EBF1: variants seen among roughly 807,000 people sequenced by gnomAD.
EBF1 encodes EBF transcription factor 1.
EBF1 carries 10 observed loss-of-function variants against 68.4 expected under a neutral mutation model. That is an observed-to-expected ratio of 0.15 (90% CI 0.09 to 0.25). EBF1 has a LOEUF of 0.25. Ranked by LOEUF, EBF1 falls within the 10% of genes least tolerant of loss-of-function variation. The pLI is 1.00. For synonymous variants in EBF1, 298 were observed against 299.8 expected (o/e 0.99, Z 0.06); for missense variants, 509 against 794.4 (o/e 0.64, Z 4.32).
At chr5:158,801,667 TAAAAA>T (rs11290189) in intron 8 of EBF1, among the ~76,000 whole-genome samples, 1 of 128,252 alleles carries the variant, frequency 7.8e-6, no homozygotes, top group Admixed American at 7.8e-5. Flanking sequence ...AGGGAAGAAT[TAAAAA>T]AAAAAAAAAA....
intron 6 of EBF1, among the ~76,000 whole-genome samples, chr5:158,986,178 CCTT>C (rs968545481): frequency 6.6e-6 from 1 of 152,200 alleles, no homozygotes; most frequent in African/African-American, 2.4e-5. Context: ...TGATTTCTGT[CCTT>C]CTCTCTCTGG....
At chr5:158,760,079 AG>A (rs1388566583) in intron 10 of EBF1, among the ~76,000 whole-genome samples, 6 of 152,208 alleles carry the variant, frequency 3.9e-5, no homozygotes, top group African/African-American at 1.4e-4. Context: ...ATTGCCAAGT[AG>A]ATTTGTCCTT....
At chr5:158,866,697 CT>C (rs1795924179) in intron 6 of EBF1, among the ~76,000 whole-genome samples, 1 of 151,588 alleles carries the variant, frequency 6.6e-6, no homozygotes, top group Non-Finnish European at 1.5e-5. Flanking sequence ...ATGAGTGCAG[CT>C]TTGTCGCCGT....
chr5:158,850,535 C>T (rs1476032581), intron 6 of EBF1, among the ~76,000 whole-genome samples: 1 of 152,210 alleles, frequency 6.6e-6, no homozygotes, highest in East Asian at 1.9e-4. Flanking sequence ...GATGAGTCCA[C>T]TTGGACCAGA....
At position 158,860,237 on chromosome 5, in the gene EBF1, A is replaced by G. The variant is rs1227052893; in HGVS notation, c.555-20127T>C. Among the ~76,000 whole-genome samples the G allele has an allele frequency of 3.3e-5, 5 of 152,166 alleles. No individual in the cohort carries two copies. In the East Asian group the frequency reaches 9.6e-4, roughly 29 times the overall value. On this transcript the variant is annotated intron_variant, in intron 6 of 15. Coordinates refer to ENST00000313708, the MANE Select transcript of EBF1 (RefSeq NM_024007.5). The stretch of plus-strand genomic sequence containing the variant: ...ATCATCTTATTGAATGCTCACAACA[A>G]CCCTAAGATAGTAACTACTAAGGTA...
chr5:158,733,904 T>C (rs1223297357), intron 10 of EBF1, among the ~76,000 whole-genome samples: 1 of 152,076 alleles, frequency 6.6e-6, no homozygotes. Context: ...AGTAAACCAA[T>C]TACTGACTGT....
At chr5:158,947,115 T>A (rs894890855) in intron 6 of EBF1, among the ~76,000 whole-genome samples, 7 of 152,208 alleles carry the variant, frequency 4.6e-5, no homozygotes, top group African/African-American at 1.7e-4. Flanking sequence ...GATCTTAGCT[T>A]GCTGGGCTCC....
At chr5:158,982,645 C>T (rs1758117196) in intron 6 of EBF1, among the ~76,000 whole-genome samples, 1 of 152,006 alleles carries the variant, frequency 6.6e-6, no homozygotes, top group Non-Finnish European at 1.5e-5. Context: ...TTTTGCTTTA[C>T]ACGGTACTTA....
intron 6 of EBF1, among the ~76,000 whole-genome samples, chr5:159,027,543 A>G (rs1401108168): frequency 6.6e-6 from 1 of 152,212 alleles, no homozygotes; most frequent in African/African-American, 2.4e-5. Flanking sequence ...AGAATCTAAG[A>G]GGAGCTTGCT....
At chr5:159,078,737 G>C (rs1052913785) in intron 5 of EBF1, among the ~76,000 whole-genome samples, 1 of 152,164 alleles carries the variant, frequency 6.6e-6, no homozygotes, top group Non-Finnish European at 1.5e-5. Flanking sequence ...CACCTGGTGT[G>C]GTACCTACAC....
intron 6 of EBF1, among the ~76,000 whole-genome samples, chr5:158,924,714 G>T (rs892012506): frequency 6.6e-6 from 1 of 151,382 alleles, no homozygotes; most frequent in African/African-American, 2.4e-5. Context: ...TTAGCCGGGC[G>T]TGGTGGCGGG....
At chr5:158,883,108 T>C (rs1430857921) in intron 6 of EBF1, among the ~76,000 whole-genome samples, 1 of 151,652 alleles carries the variant, frequency 6.6e-6, no homozygotes. Flanking sequence ...ATGTATGTAA[T>C]GTTAAAAAAA....
intron 6 of EBF1, among the ~76,000 whole-genome samples, chr5:158,982,226 G>A (rs1302007668): frequency 2.0e-5 from 3 of 152,224 alleles, no homozygotes; most frequent in East Asian, 1.9e-4. Flanking sequence ...CTGAGACAAT[G>A]AGCTAATGAA....
intron 6 of EBF1, among the ~76,000 whole-genome samples, chr5:159,051,492 G>GCTCCACA (rs1561891247): frequency 7.0e-6 from 1 of 143,286 alleles, no homozygotes; most frequent in Non-Finnish European, 1.5e-5. Flanking sequence ...TGTGCGACTC[G>GCTCCACA]TGTTTCGGCT....
intron 3 of EBF1, 52 bp downstream of exon 3, chr5:159,096,291 T>A (rs1457386412): frequency 1.3e-6 from 2 of 1,579,654 alleles, no homozygotes; most frequent in African/African-American, 2.7e-5. Context: ...CTGCGCCCCC[T>A]GCCCAGACCC....
At chr5:158,791,407 A>G (rs1722091500) in intron 9 of EBF1, among the ~76,000 whole-genome samples, 1 of 152,050 alleles carries the variant, frequency 6.6e-6, no homozygotes, top group Non-Finnish European at 1.5e-5. Flanking sequence ...CAGATGAGAA[A>G]CTGAGGTCCA....
At chr5:159,035,652 A>T (rs919133760) in intron 6 of EBF1, among the ~76,000 whole-genome samples, 39 of 152,244 alleles carry the variant, frequency 2.6e-4, no homozygotes, top group Admixed American at 5.2e-4. Context: ...CATAAGGATG[A>T]CAACAGCTGT....
intron 10 of EBF1, among the ~76,000 whole-genome samples, chr5:158,751,480 A>T (rs1030990976): frequency 2.6e-5 from 4 of 152,104 alleles, no homozygotes; most frequent in Non-Finnish European, 4.4e-5. Flanking sequence ...ACACTCAGGG[A>T]TCATCACACT....
chr5:158,850,664 T>C (rs1792458495), intron 6 of EBF1, among the ~76,000 whole-genome samples: 1 of 152,186 alleles, frequency 6.6e-6, no homozygotes, highest in Non-Finnish European at 1.5e-5. Context: ...ATACCAGAAA[T>C]TGTGAATTGC....
Sources: gnomAD v4.1 joint callset for allele counts (sites outside exome capture counted in the v4.1 genomes callset) on GRCh38, gnomAD v4.1.1 for gene constraint, MANE v1.5 for transcripts, NCBI Gene and HGNC (gene_info 2026-07-23, HGNC 2026-07-21) for gene names.